ARHGEF3: variants seen among roughly 807,000 people sequenced by gnomAD.
ARHGEF3 encodes the protein 59.8 kDA protein.
In ARHGEF3, 28 loss-of-function variants were observed where a neutral mutation model predicts 63.2. That is an observed-to-expected ratio of 0.44 (90% CI 0.33 to 0.61). The LOEUF (loss-of-function observed/expected upper bound fraction) is 0.61. Among genes scored for constraint, ARHGEF3 ranks in the 20% least tolerant of loss-of-function variants. ARHGEF3 has a pLI of 0.03. For missense variants in ARHGEF3, 533 were observed against 659.3 expected (o/e 0.81, Z 2.10); for synonymous variants, 266 against 254.2 (o/e 1.05, Z -0.44).
intron 7 of ARHGEF3, among the ~76,000 whole-genome samples, chr3:56,742,780 A>G (rs1249063648): frequency 6.6e-6 from 1 of 152,198 alleles, no homozygotes; most frequent in Non-Finnish European, 1.5e-5. Flanking sequence ...CTGCCTGAAT[A>G]ACTAGATGCA....
At chr3:56,918,656 T>C (rs2042046498) in intron 3 of ARHGEF3, among the ~76,000 whole-genome samples, 1 of 152,132 alleles carries the variant, frequency 6.6e-6, no homozygotes, top group African/African-American at 2.4e-5. Context: ...AACTCCCGGA[T>C]TGAAATGGGT....
chr3:56,751,714 G>C (rs1470321092), intron 4 of ARHGEF3, among the ~76,000 whole-genome samples: 1 of 152,142 alleles, frequency 6.6e-6, no homozygotes, highest in Non-Finnish European at 1.5e-5. Flanking sequence ...TCAAAATCAA[G>C]ATCCTGCCTC....
intron 4 of ARHGEF3, among the ~76,000 whole-genome samples, chr3:56,842,926 T>C (rs1171893960): frequency 1.3e-5 from 2 of 152,208 alleles, no homozygotes; most frequent in Non-Finnish European, 2.9e-5. Context: ...CTTTTGACCG[T>C]GGCTAGTCAT....
chr3:56,735,935 G>A (rs2033588932), intron 8 of ARHGEF3, among the ~76,000 whole-genome samples: 1 of 152,048 alleles, frequency 6.6e-6, no homozygotes, highest in Admixed American at 6.6e-5. Context: ...ACTTTATTAA[G>A]AACCCTTCAA....
intron 2 of ARHGEF3, among the ~76,000 whole-genome samples, chr3:56,976,520 A>G (rs1216273087): frequency 6.6e-6 from 1 of 152,246 alleles, no homozygotes; most frequent in Non-Finnish European, 1.5e-5. Flanking sequence ...ATAAATCCAT[A>G]TGTAGGTGGC....
intron 2 of ARHGEF3, among the ~76,000 whole-genome samples, chr3:57,018,773 T>A (rs1703125723): frequency 3.9e-5 from 6 of 152,170 alleles, no homozygotes; most frequent in Admixed American, 3.9e-4. Context: ...GCATGTGACA[T>A]GTATCATCTC....
intron 2 of ARHGEF3, among the ~76,000 whole-genome samples, chr3:57,023,328 GT>G (rs1040670426): frequency 7.2e-5 from 11 of 152,184 alleles, no homozygotes; most frequent in Admixed American, 4.6e-4. Flanking sequence ...CTCTCCATTG[GT>G]TATCCAAGCT....
In ARHGEF3 at chr3:56,920,916, G is replaced by A. The variant is rs530025690; in HGVS notation, c.129+37907C>T. Among the ~76,000 whole-genome samples the A allele has an allele frequency of 1.2e-4, 18 of 151,998 alleles. No homozygotes were observed. The South Asian group carries it at 2.1e-3, about 18-fold the overall frequency. On this transcript the variant is annotated intron_variant, in intron 3 of 12. Transcript: ENST00000338458. Reference sequence around the variant, plus strand: ...AAATACAAAAAAAAATTAGCCAGGCGTGGTGGCGGGCACCTGTAGTCCCAG... The same window carrying A: ...AAATACAAAAAAAAATTAGCCAGGCATGGTGGCGGGCACCTGTAGTCCCAG...
At chr3:56,926,919 A>G (rs2042291659) in intron 3 of ARHGEF3, among the ~76,000 whole-genome samples, 1 of 152,242 alleles carries the variant, frequency 6.6e-6, no homozygotes, top group Admixed American at 6.5e-5. Flanking sequence ...AGGGACTCAT[A>G]CTTAGTAACA....
chr3:56,871,804 T>C (rs993776669), intron 4 of ARHGEF3, among the ~76,000 whole-genome samples: 1 of 152,176 alleles, frequency 6.6e-6, no homozygotes, highest in Non-Finnish European at 1.5e-5. Context: ...ATTCAGGGCA[T>C]CTTCAAGCTT....
intron 7 of ARHGEF3, among the ~76,000 whole-genome samples, chr3:56,738,281 C>T (rs2033775025): frequency 6.6e-6 from 1 of 151,526 alleles, no homozygotes; most frequent in Non-Finnish European, 1.5e-5. Context: ...CTTGTGATCC[C>T]CCTGCCTCAG....
At chr3:56,757,170 A>G (rs925493084) in intron 2 of ARHGEF3, among the ~76,000 whole-genome samples, 1 of 152,080 alleles carries the variant, frequency 6.6e-6, no homozygotes, top group African/African-American at 2.4e-5. Flanking sequence ...ACATAAGGGC[A>G]TTGTTAAATA....
chr3:56,953,475 A>G (rs1699903947), intron 3 of ARHGEF3, among the ~76,000 whole-genome samples: 1 of 152,178 alleles, frequency 6.6e-6, no homozygotes, highest in African/African-American at 2.4e-5. Flanking sequence ...TGTCCAGGAA[A>G]CAGAGTCCCT....
At chr3:56,811,578 G>A (rs1036497674) in intron 4 of ARHGEF3, among the ~76,000 whole-genome samples, 14 of 152,198 alleles carry the variant, frequency 9.2e-5, no homozygotes, top group African/African-American at 3.1e-4. Flanking sequence ...AAAGGGGCTA[G>A]TTGGTGTGGG....
rs542035364 is a variant in ARHGEF3 at position 56,780,892 on chromosome 3, G to A, written c.97-7076C>T. Among the ~76,000 whole-genome samples the A allele has an allele frequency of 5.9e-5, 9 of 152,286 alleles. No homozygotes were observed. In the South Asian group the frequency reaches 1.9e-3, roughly 32 times the overall value. On this transcript the variant is annotated intron_variant, in intron 1 of 9. Transcript: ENST00000296315. ...GACTACGTAGTTAAGATGGTCTTAT[G>A]GATTGAATTATGCCCCCACTGAAAG...
chr3:56,788,703 C>T (rs2036939520), intron 1 of ARHGEF3, among the ~76,000 whole-genome samples: 1 of 151,932 alleles, frequency 6.6e-6, no homozygotes, highest in South Asian at 2.1e-4. Flanking sequence ...CAGGTGGGAG[C>T]CGGCCTCAGG....
In ARHGEF3 at chr3:57,029,000, C is replaced by T. The variant is rs1400475958; in HGVS notation, c.62+6088G>A. 2.0e-5 allele frequency among the ~76,000 whole-genome samples: 3 copies of T among 152,054 alleles called. No individual in the cohort carries two copies. The East Asian group carries it at 5.8e-4, about 29-fold the overall frequency. On this transcript the variant is annotated intron_variant, in intron 2 of 12. Coordinates refer to the ARHGEF3 transcript ENST00000338458. Reference sequence around the variant, plus strand: ...GTGAAGACACACACACACACACACACACACACACACACACACCTCCCAAAA... The same window carrying T: ...GTGAAGACACACACACACACACACATACACACACACACACACCTCCCAAAA...
At chr3:56,826,914 T>C (rs1042329397) in intron 4 of ARHGEF3, among the ~76,000 whole-genome samples, 2 of 152,238 alleles carry the variant, frequency 1.3e-5, no homozygotes, top group African/African-American at 4.8e-5. Context: ...ATTTGAGTGC[T>C]TTAAAAAGTG....
At chr3:57,069,413 T>TCAC (rs1705758841) in intron 1 of ARHGEF3, among the ~76,000 whole-genome samples, 2 of 117,040 alleles carry the variant, frequency 1.7e-5, no homozygotes, top group South Asian at 5.5e-4. Context: ...ACACACACAT[T>TCAC]GTTTGTTTAA....
Sources: gnomAD v4.1 joint callset for allele counts (sites outside exome capture counted in the v4.1 genomes callset) on GRCh38, gnomAD v4.1.1 for gene constraint, MANE v1.5 for transcripts, NCBI Gene and HGNC (gene_info 2026-07-23, HGNC 2026-07-21) for gene names.